The following AGBL1 variants were observed in gnomAD, a reference collection of about 807,000 sequenced individuals.
AGBL1 encodes the protein AGBL carboxypeptidase 1.
In AGBL1, 130 loss-of-function variants were observed where a neutral mutation model predicts 118.9. That is an observed-to-expected ratio of 1.09 (90% CI 0.95 to 1.26). AGBL1 has a LOEUF of 1.26. Ranked by LOEUF, AGBL1 falls within the 50% of genes most tolerant of loss-of-function variation. The pLI, the probability that AGBL1 is intolerant of heterozygous loss-of-function variation, is 0.00. For missense variants in AGBL1, 1,584 were observed against 1,298.1 expected (o/e 1.22, Z -3.38); for synonymous variants, 555 against 478.9 (o/e 1.16, Z -2.08).
intron 17 of AGBL1, among the ~76,000 whole-genome samples, chr15:86,325,628 C>G (rs767977367): frequency 2.0e-5 from 3 of 152,172 alleles, no homozygotes; most frequent in Admixed American, 2.0e-4. Flanking sequence ...GCCAGCTCCA[C>G]AGCCCAATCA....
chr15:86,781,672 A>G (rs1005945443), intron 22 of AGBL1, among the ~76,000 whole-genome samples: 1 of 152,188 alleles, frequency 6.6e-6, no homozygotes, highest in Admixed American at 6.5e-5. Flanking sequence ...GAGTCGTTTC[A>G]TTGTAAGAAG....
chr15:86,556,700 A>C (rs73459661), intron 21 of AGBL1, among the ~76,000 whole-genome samples: 7,596 of 152,282 alleles, frequency 0.05, 441 homozygotes, highest in African/African-American at 0.14. Context: ...TGCTTTTTGT[A>C]CATTGGGAAG....
At chr15:86,455,550 A>G (rs551975862) in intron 18 of AGBL1, among the ~76,000 whole-genome samples, 2 of 152,312 alleles carry the variant, frequency 1.3e-5, no homozygotes, top group South Asian at 4.1e-4. Flanking sequence ...AAATATGTGA[A>G]CAATCTTTGT....
chr15:86,541,721 C>A (rs969768471), intron 19 of AGBL1, among the ~76,000 whole-genome samples: 2 of 151,604 alleles, frequency 1.3e-5, no homozygotes, highest in African/African-American at 4.8e-5. Flanking sequence ...AGGAGACTAG[C>A]TTTCCCCTGC....
Position 86,541,616 on chromosome 15 carries a change from AAG to A in AGBL1, c.2686-4368_2686-4367del, listed in dbSNP as rs1231412909. Among the ~76,000 whole-genome samples, 237 of 97,044 alleles carry A rather than the reference AAG, an allele frequency of 2.4e-3. 2 individuals are homozygous for A. The highest frequency in any genetic ancestry group is 7.9e-3 in the African/African-American group (188 of 23,662). 63.7% of individuals were successfully genotyped at this position (97,044 alleles called of 152,430 possible). A position where few individuals can be genotyped will look rare whatever the true frequency, so the allele number is the denominator to read the frequency against. On this transcript the variant is annotated intron_variant, in intron 19 of 22. Transcript: ENST00000614907. ...CTCAAAAAAAAAAAAAAAAAAAAAA[AAG>A]AGAGAGAGAGAGAGAGACCCACTGC...
intron 1 of AGBL1, among the ~76,000 whole-genome samples, chr15:86,086,578 C>T (rs1567044912): frequency 6.6e-6 from 1 of 152,122 alleles, no homozygotes; most frequent in African/African-American, 2.4e-5. Flanking sequence ...AATGGCAAAG[C>T]GTATGTGCTC....
intron 20 of AGBL1, among the ~76,000 whole-genome samples, chr15:86,551,708 T>C (rs187673164): frequency 6.6e-6 from 1 of 152,310 alleles, no homozygotes; most frequent in Admixed American, 6.5e-5. Context: ...TTATGAGGTC[T>C]GTGTTATCCT....
At chr15:86,409,902 G>GTGCAGGGA (rs140896203) in intron 18 of AGBL1, among the ~76,000 whole-genome samples, 4,998 of 152,064 alleles carry the variant, frequency 0.033, 267 homozygotes, top group African/African-American at 0.11. Context: ...GAAGAAATCC[G>GTGCAGGGA]TGCAGGGATG....
intron 22 of AGBL1, among the ~76,000 whole-genome samples, chr15:86,818,508 A>T (rs1383765795): frequency 6.6e-6 from 1 of 152,200 alleles, no homozygotes; most frequent in Admixed American, 6.5e-5. Context: ...CACTCCCCCA[A>T]ACCCCAACTG....
At chr15:86,262,032 C>A (rs545325459) in intron 9 of AGBL1, among the ~76,000 whole-genome samples, 58 of 139,462 alleles carry the variant, frequency 4.2e-4, no homozygotes, top group Admixed American at 1.2e-3. Flanking sequence ...CAAATTGAAG[C>A]TTTTCCTTCT....
At chr15:86,788,960 C>T (rs1359939407) in intron 22 of AGBL1, among the ~76,000 whole-genome samples, 1 of 152,202 alleles carries the variant, frequency 6.6e-6, no homozygotes, top group South Asian at 2.1e-4. Context: ...ATGGGATCTG[C>T]TGGCAGGCAG....
chr15:86,687,649 G>A lies in AGBL1; in HGVS notation c.3158+13213G>A, dbSNP rs566160079. ...AAGCAGAAGTATGAGTGCCATAAGAGTAAAGCATAGGCTAAGTTAGTTCCA... is the reference window on the plus strand; with the variant it reads ...AAGCAGAAGTATGAGTGCCATAAGAATAAAGCATAGGCTAAGTTAGTTCCA... On this transcript the variant is annotated intron_variant, in intron 22 of 22. Transcript: ENST00000614907. Among the ~76,000 whole-genome samples, 15 of 152,276 alleles carry A rather than the reference G, an allele frequency of 9.9e-5. 1 individual carries two copies. The highest frequency in any genetic ancestry group is 3.6e-4 in the African/African-American group (15 of 41,558).
chr15:86,564,491 G>A (rs902580391), intron 21 of AGBL1, among the ~76,000 whole-genome samples: 6 of 152,138 alleles, frequency 3.9e-5, no homozygotes, highest in Non-Finnish European at 7.3e-5. Context: ...AGTTTCTGCC[G>A]AGAGATCTGC....
rs183492801 is a variant in AGBL1 at position 86,355,978 on chromosome 15, T to A, written c.2375-41388T>A. 5.8e-3 allele frequency among the ~76,000 whole-genome samples: 890 copies of A among 152,308 alleles called. 6 individuals carry two copies. The highest frequency in any genetic ancestry group is 8.3e-3 in the Non-Finnish European group (563 of 68,026). On this transcript the variant is annotated intron_variant, in intron 17 of 22. Coordinates refer to ENST00000614907, the MANE Select transcript of AGBL1 (RefSeq NM_001386094.1). ...CACCACTCTGCTTGCCTGTCTTCTT[T>A]TCAGCACCAGACTGGGATGGACAGT...
chr15:86,185,231 G>A (rs1360980775), intron 5 of AGBL1, among the ~76,000 whole-genome samples: 1 of 152,148 alleles, frequency 6.6e-6, no homozygotes, highest in African/African-American at 2.4e-5. Flanking sequence ...AGTTAGAATG[G>A]CGATCATTAA....
In AGBL1 at chr15:86,247,859, A is replaced by T. The variant is rs1314332106; in HGVS notation, c.715A>T (p.Ile239Phe). 3 of 1,613,882 alleles carry T rather than the reference A, an allele frequency of 1.9e-6. No individual in the cohort carries two copies. The highest frequency in any genetic ancestry group is 1.7e-5 in the Admixed American group (1 of 60,028). ...CTTCCTGGCAGCACAGGGCATGGAG[A>T]TCCTCTTCAGCACCACACAGGCAGG... ...EAFLAAQGME[I>F]LFSTTQNCLD... The change falls in exon 7 of 23, where the codon ATC (isoleucine) becomes TTC (phenylalanine). Residue 239 changes from isoleucine (I) to phenylalanine (F), a missense_variant. Physicochemically the swap from Ile to Phe is conservative, Grantham distance 21. Coordinates refer to ENST00000614907, the MANE Select transcript of AGBL1 (RefSeq NM_001386094.1).
At chr15:86,715,982 C>T (rs989990774) in intron 22 of AGBL1, among the ~76,000 whole-genome samples, 4 of 150,842 alleles carry the variant, frequency 2.7e-5, no homozygotes, top group Non-Finnish European at 5.9e-5. Flanking sequence ...AGGAGAATCA[C>T]TTGAACCCGG....
rs147963710 is a variant in AGBL1, at chr15:86,789,873, T to C, written c.3158+115437T>C. 1.4e-3 allele frequency among the ~76,000 whole-genome samples: 216 copies of C among 152,278 alleles called. 1 individual carries two copies. Among genetic ancestry groups the C allele is most frequent in the African/African-American group, 5.0e-3 (207 of 41,560 alleles). ...TTATCTGTATGACTCTCAATTTGGC[T>C]TAGATGGCTCCAATCATTTGAATTG... is the stretch of plus-strand genomic sequence containing the variant. On this transcript the variant is annotated intron_variant, in intron 22 of 22. Coordinates refer to ENST00000614907, the MANE Select transcript of AGBL1 (RefSeq NM_001386094.1).
At chr15:86,889,370 T>G (rs2141552734) in intron 22 of AGBL1, among the ~76,000 whole-genome samples, 6 of 146,442 alleles carry the variant, frequency 4.1e-5, no homozygotes, top group South Asian at 2.3e-4. Flanking sequence ...GTGGGGGGTA[T>G]TTGTGTTTTA....
Sources: allele counts gnomAD v4.1 joint callset (sites outside exome capture counted in the v4.1 genomes callset), GRCh38; gene constraint gnomAD v4.1.1; transcripts MANE v1.5; gene names NCBI Gene and HGNC (gene_info 2026-07-23, HGNC 2026-07-21).